CNTN5: variants seen among roughly 807,000 people sequenced by gnomAD.
CNTN5 encodes the protein contactin-5.
Under a neutral mutation model 129.1 loss-of-function variants are expected in CNTN5, and 77 were observed. The ratio of observed to expected loss-of-function variants is 0.60; its 90% CI spans 0.50 to 0.72. CNTN5 has a LOEUF of 0.72. CNTN5 is among the 30% of genes least tolerant of loss of function. The pLI is 0.00. For missense variants in CNTN5, 1,478 were observed against 1,328.8 expected (o/e 1.11, Z -1.75); for synonymous variants, 509 against 465.6 (o/e 1.09, Z -1.20).
intron 2 of CNTN5, among the ~76,000 whole-genome samples, chr11:99,429,689 C>T (rs1032286563): frequency 1.5e-4 from 22 of 151,640 alleles, no homozygotes; most frequent in Non-Finnish European, 2.7e-4. Context: ...CCTCTGAGCA[C>T]GGGGCAGAGT....
At chr11:99,385,698 A>G (rs1247156679) in intron 2 of CNTN5, among the ~76,000 whole-genome samples, 1 of 152,186 alleles carries the variant, frequency 6.6e-6, no homozygotes, top group Admixed American at 6.5e-5. Flanking sequence ...TAGCTTAGGC[A>G]ATAAAGATGA....
intron 2 of CNTN5, among the ~76,000 whole-genome samples, chr11:99,410,684 C>T (rs1172257136): frequency 1.3e-5 from 2 of 152,138 alleles, no homozygotes; most frequent in African/African-American, 4.8e-5. Flanking sequence ...TTAGAAGGAA[C>T]TTTAAAAGGT....
chr11:100,028,711 T>G (rs1485126232), intron 9 of CNTN5, among the ~76,000 whole-genome samples: 1 of 152,198 alleles, frequency 6.6e-6, no homozygotes, highest in Non-Finnish European at 1.5e-5. Flanking sequence ...ATTCACTCTT[T>G]GGCTTTCTGC....
intron 3 of CNTN5, among the ~76,000 whole-genome samples, chr11:99,813,790 T>G (rs1297226142): frequency 1.3e-5 from 2 of 152,048 alleles, no homozygotes; most frequent in African/African-American, 2.4e-5. Context: ...GAAAAAGAAA[T>G]AACTGTGTCA....
At chr11:99,723,094 T>C (rs1943226098) in intron 3 of CNTN5, among the ~76,000 whole-genome samples, 3 of 152,086 alleles carry the variant, frequency 2.0e-5, no homozygotes, top group Admixed American at 2.0e-4. Flanking sequence ...ATGTTTTCTC[T>C]TTACCTATTG....
chr11:99,033,725 T>C (rs1356418067), intron 1 of CNTN5, among the ~76,000 whole-genome samples: 1 of 152,024 alleles, frequency 6.6e-6, no homozygotes, highest in East Asian at 1.9e-4. Flanking sequence ...CAGGGACAAT[T>C]TGACTTCCTC....
At chr11:99,333,873 T>A (rs1866105390) in intron 2 of CNTN5, among the ~76,000 whole-genome samples, 1 of 152,000 alleles carries the variant, frequency 6.6e-6, no homozygotes, top group South Asian at 2.1e-4. Flanking sequence ...ATTGTCCTCA[T>A]GGTGACCTGC....
chr11:100,157,337 A>C (rs1288816265), intron 13 of CNTN5, among the ~76,000 whole-genome samples: 1 of 151,962 alleles, frequency 6.6e-6, no homozygotes, highest in Non-Finnish European at 1.5e-5. Flanking sequence ...AAATAGTTGC[A>C]AAATAAAAAT....
chr11:99,478,199 G>T (rs1280559235), intron 2 of CNTN5, among the ~76,000 whole-genome samples: 1 of 152,128 alleles, frequency 6.6e-6, no homozygotes, highest in African/African-American at 2.4e-5. Flanking sequence ...TCTCTCACAA[G>T]ACTGCAATGA....
At chr11:99,176,082 C>T (rs1387329077) in intron 1 of CNTN5, among the ~76,000 whole-genome samples, 1 of 152,196 alleles carries the variant, frequency 6.6e-6, no homozygotes, top group Admixed American at 6.5e-5. Context: ...TTAATTACAT[C>T]TGCTAAACCC....
chr11:99,612,982 G>C (rs1195674760), intron 3 of CNTN5, among the ~76,000 whole-genome samples: 2 of 152,120 alleles, frequency 1.3e-5, no homozygotes, highest in Non-Finnish European at 2.9e-5. Context: ...GTGGAGCCCA[G>C]GGAATTGGCA....
intron 8 of CNTN5, among the ~76,000 whole-genome samples, chr11:99,968,296 G>T (rs1024792318): frequency 6.6e-6 from 1 of 152,092 alleles, no homozygotes; most frequent in Admixed American, 6.6e-5. Context: ...TTGTCACAGT[G>T]GGGGAAAAAT....
intron 16 of CNTN5, among the ~76,000 whole-genome samples, chr11:100,244,471 C>T (rs143379754): frequency 2.7e-4 from 41 of 152,270 alleles, no homozygotes; most frequent in African/African-American, 9.4e-4. Context: ...ATGGTAGCTA[C>T]TCAGCCTTCA....
chr11:100,038,602 T>G (rs1449490058), intron 9 of CNTN5, among the ~76,000 whole-genome samples: 3 of 152,152 alleles, frequency 2.0e-5, no homozygotes, highest in East Asian at 1.9e-4. Flanking sequence ...TGTGGGAGTC[T>G]AAGTCTCTTT....
chr11:99,091,342 A>G (rs1866240942), intron 1 of CNTN5, among the ~76,000 whole-genome samples: 1 of 152,008 alleles, frequency 6.6e-6, no homozygotes, highest in Non-Finnish European at 1.5e-5. Flanking sequence ...CTAATCAGGA[A>G]AACAGAACAA....
chr11:99,281,469 T>C (rs1863690679), intron 1 of CNTN5, among the ~76,000 whole-genome samples: 1 of 152,138 alleles, frequency 6.6e-6, no homozygotes, highest in African/African-American at 2.4e-5. Flanking sequence ...CCAGAGCATC[T>C]TATCCATAGC....
intron 1 of CNTN5, among the ~76,000 whole-genome samples, chr11:99,324,609 G>A (rs542813528): frequency 1.1e-4 from 17 of 152,282 alleles, no homozygotes; most frequent in African/African-American, 4.1e-4. Flanking sequence ...ATGAATTTCA[G>A]TGTATAGAGA....
intron 2 of CNTN5, among the ~76,000 whole-genome samples, chr11:99,553,919 A>C (rs1283645586): frequency 6.6e-6 from 1 of 150,922 alleles, no homozygotes; most frequent in African/African-American, 2.4e-5. Context: ...AAGAAATATT[A>C]TTTTGTTTAT....
chr11:100,148,904 A>G (rs542644779), intron 13 of CNTN5, among the ~76,000 whole-genome samples: 52 of 152,234 alleles, frequency 3.4e-4, no homozygotes, highest in African/African-American at 1.2e-3. Context: ...CAAAAAAAAA[A>G]GAATGTTTAA....
Sources: gnomAD v4.1 joint callset for allele counts (sites outside exome capture counted in the v4.1 genomes callset) on GRCh38, gnomAD v4.1.1 for gene constraint, MANE v1.5 for transcripts, NCBI Gene and HGNC (gene_info 2026-07-23, HGNC 2026-07-21) for gene names.